Variants in SYNPR observed in about 807,000 individuals in gnomAD.
SYNPR encodes synaptoporin.
Under a neutral mutation model 32.9 loss-of-function variants are expected in SYNPR, and 23 were observed. The observed-to-expected ratio is 0.70, with a 90% confidence interval of 0.50 to 0.99. SYNPR has a LOEUF of 0.99. SYNPR is among the 50% of genes least tolerant of loss of function. The probability of loss-of-function intolerance (pLI) is 0.00; values close to 1 mark genes in which losing one functional copy is unlikely to be tolerated. For synonymous variants in SYNPR, 146 were observed against 135.9 expected (o/e 1.07, Z -0.52); for missense variants, 318 against 349.3 (o/e 0.91, Z 0.71).
chr3:63,279,395 C>T (rs554710446), intron 2 of SYNPR, among the ~76,000 whole-genome samples: 61 of 152,302 alleles, frequency 4.0e-4, no homozygotes, highest in African/African-American at 1.4e-3. Context: ...GAAGAGCCCA[C>T]CAGCCTGTTT....
intron 4 of SYNPR, among the ~76,000 whole-genome samples, chr3:63,567,603 A>G (rs1006239278): frequency 6.6e-6 from 1 of 152,204 alleles, no homozygotes; most frequent in African/African-American, 2.4e-5. Context: ...TTAGACTTTC[A>G]AACAGTTGGC....
chr3:63,541,438 C>A (rs773225556), intron 3 of SYNPR, among the ~76,000 whole-genome samples: 1 of 151,974 alleles, frequency 6.6e-6, no homozygotes, highest in Admixed American at 6.6e-5. Context: ...AGTCATTCTC[C>A]GGGACAGCAA....
At chr3:63,584,234 G>T (rs1256958157) in intron 4 of SYNPR, among the ~76,000 whole-genome samples, 2 of 152,094 alleles carry the variant, frequency 1.3e-5, no homozygotes, top group African/African-American at 4.8e-5. Context: ...GAAGAGCCTT[G>T]TGTGGTGAGA....
At chr3:63,360,386 C>T (rs2087640053) in intron 2 of SYNPR, among the ~76,000 whole-genome samples, 1 of 152,186 alleles carries the variant, frequency 6.6e-6, no homozygotes, top group East Asian at 1.9e-4. Flanking sequence ...CTTATTTTCT[C>T]TTCTCCCTGT....
At chr3:63,525,784 G>A (rs1702000852) in intron 3 of SYNPR, among the ~76,000 whole-genome samples, 1 of 152,148 alleles carries the variant, frequency 6.6e-6, no homozygotes. Flanking sequence ...CATGAACCAG[G>A]GAGGAAGTTC....
At chr3:63,239,537 C>T (rs1304836083) in intron 1 of SYNPR, among the ~76,000 whole-genome samples, 1 of 66,710 alleles carries the variant, frequency 1.5e-5, no homozygotes, top group Non-Finnish European at 3.6e-5. Flanking sequence ...GTGTCAGGCA[C>T]CCATCCTACC....
At chr3:63,534,817 A>G (rs1469434894) in intron 3 of SYNPR, among the ~76,000 whole-genome samples, 1 of 152,134 alleles carries the variant, frequency 6.6e-6, no homozygotes, top group Non-Finnish European at 1.5e-5. Flanking sequence ...TCTTTTTAAC[A>G]ACCAGCTCTC....
chr3:63,373,887 C>T (rs1364037487), intron 2 of SYNPR, among the ~76,000 whole-genome samples: 2 of 152,188 alleles, frequency 1.3e-5, no homozygotes, highest in Non-Finnish European at 2.9e-5. Flanking sequence ...GACCTTTCAG[C>T]AGAAACTGTC....
rs35822196 is a variant in SYNPR at position 63,545,027 on chromosome 3, GA to G, written c.210-11504del. ...GCTTTATATTGCCTTTGATTTAGGGGAAAAAAAAAAAACATGTGAAAGGGTA... is the reference window on the plus strand; with the variant it reads ...GCTTTATATTGCCTTTGATTTAGGGGAAAAAAAAAAACATGTGAAAGGGTA... On this transcript the variant is annotated intron_variant, in intron 3 of 5. Transcript: ENST00000478300. Among the ~76,000 whole-genome samples, 95 of 146,668 alleles carry G rather than the reference GA, an allele frequency of 6.5e-4. 1 individual carries two copies. In the Middle Eastern group the frequency reaches 0.011, roughly 16 times the overall value.
intron 2 of SYNPR, among the ~76,000 whole-genome samples, chr3:63,315,112 G>T (rs1469295045): frequency 6.6e-6 from 1 of 151,972 alleles, no homozygotes; most frequent in Non-Finnish European, 1.5e-5. Context: ...TTTTATCCCA[G>T]TACCATGCTG....
chr3:63,243,388 T>C (rs2086262481), intron 1 of SYNPR, among the ~76,000 whole-genome samples: 1 of 152,072 alleles, frequency 6.6e-6, no homozygotes, highest in African/African-American at 2.4e-5. Context: ...TCAACAATAA[T>C]AACTAATATT....
At chr3:63,511,424 T>C (rs1303919877) in intron 3 of SYNPR, among the ~76,000 whole-genome samples, 1 of 152,108 alleles carries the variant, frequency 6.6e-6, no homozygotes, top group African/African-American at 2.4e-5. Flanking sequence ...ACAGTTGGAG[T>C]CGAGGCTGCT....
chr3:63,390,205 C>T (rs1192270315), intron 2 of SYNPR, among the ~76,000 whole-genome samples: 1 of 152,168 alleles, frequency 6.6e-6, no homozygotes, highest in African/African-American at 2.4e-5. Context: ...TGCCTGTTGC[C>T]TATTTTTGAA....
rs1702603234 is a variant in SYNPR at position 63,556,817 on chromosome 3, G to A, written c.408+76G>A. 3 of 1,385,026 alleles carry A rather than the reference G, an allele frequency of 2.2e-6. No individual in the cohort carries two copies. In the South Asian group the frequency reaches 4.4e-5, roughly 20 times the overall value. 85.8% of individuals were successfully genotyped at this position (1,385,026 alleles called of 1,614,324 possible). The stretch of plus-strand genomic sequence containing the variant: ...TTACTAATGCTTGAAGGACTTTGGA[G>A]TTACCTGAGCCCTCGGGTTAGGTGT... On this transcript the variant is annotated intron_variant, in intron 4 of 5. Coordinates refer to ENST00000478300, the MANE Select transcript of SYNPR (RefSeq NM_001130003.2).
At chr3:63,549,686 C>T (rs891268077) in intron 3 of SYNPR, among the ~76,000 whole-genome samples, 8 of 152,174 alleles carry the variant, frequency 5.3e-5, no homozygotes, top group African/African-American at 1.9e-4. Context: ...TTGCTCCAGT[C>T]CCCTGAAAGG....
At chr3:63,225,788 G>C (rs1201626685), upstream of SYNPR, among the ~76,000 whole-genome samples, 3 of 152,134 alleles carry the variant, frequency 2.0e-5, no homozygotes, top group Non-Finnish European at 4.4e-5. Context: ...GACGATTAAA[G>C]CACACATATA....
chr3:63,210,856 T>G, the SYNPR span, among the ~76,000 whole-genome samples: 2 of 151,518 alleles, frequency 1.3e-5, no homozygotes, highest in African/African-American at 4.8e-5. Context: ...ACTTCCTTTT[T>G]AAAAACTACT....
intron 4 of SYNPR, among the ~76,000 whole-genome samples, chr3:63,606,038 T>C (rs1700114010): frequency 6.6e-6 from 1 of 152,238 alleles, no homozygotes; most frequent in Admixed American, 6.5e-5. Context: ...ATTTGATTTA[T>C]ACTAACTTAT....
At chr3:63,272,502 C>T (rs2086545243) in intron 3 of SYNPR, among the ~76,000 whole-genome samples, 2 of 143,198 alleles carry the variant, frequency 1.4e-5, no homozygotes, top group Admixed American at 1.5e-4. Context: ...CCCAATCGTT[C>T]CATGGGCATT....
Sources: gnomAD v4.1 joint callset for allele counts (sites outside exome capture counted in the v4.1 genomes callset) on GRCh38, gnomAD v4.1.1 for gene constraint, MANE v1.5 for transcripts, NCBI Gene and HGNC (gene_info 2026-07-23, HGNC 2026-07-21) for gene names.